OLFM3: variants seen among roughly 807,000 people sequenced by gnomAD.
The protein encoded by OLFM3 is olfactomedin 3.
OLFM3 carries 20 observed loss-of-function variants against 48.6 expected under a neutral mutation model. The ratio of observed to expected loss-of-function variants is 0.41; its 90% CI spans 0.29 to 0.60. OLFM3 has a LOEUF of 0.60. Ranked by LOEUF, OLFM3 falls within the 20% of genes least tolerant of loss-of-function variation. The probability of loss-of-function intolerance (pLI) is 0.28; values close to 1 mark genes in which losing one functional copy is unlikely to be tolerated. For synonymous variants in OLFM3, 222 were observed against 198.1 expected (o/e 1.12, Z -1.01); for missense variants, 437 against 544.3 (o/e 0.80, Z 1.96).
In OLFM3 at chr1:101,943,112, C is replaced by T. The variant is rs182262461; in HGVS notation, c.69+53636G>A. Among the ~76,000 whole-genome samples, 11 of 152,232 alleles carry T rather than the reference C, an allele frequency of 7.2e-5. No homozygotes were observed. In the East Asian group the frequency reaches 2.1e-3, roughly 29 times the overall value. On this transcript the variant is annotated intron_variant, in intron 1 of 5. Coordinates refer to ENST00000370103, the MANE Select transcript of OLFM3 (RefSeq NM_058170.4). ...TATAGCCTCTAGTTAGTCTTTCAAG[C>T]ATAAATCTAGGTATTGCTGTGAAAG...
chr1:101,953,538 C>T (rs1404059018), intron 1 of OLFM3, among the ~76,000 whole-genome samples: 1 of 151,998 alleles, frequency 6.6e-6, no homozygotes, highest in Admixed American at 6.6e-5. Context: ...GCCTTTCTGC[C>T]CCTTCTTGCT....
chr1:101,882,130 T>A (rs888172669), intron 1 of OLFM3, among the ~76,000 whole-genome samples: 2 of 150,920 alleles, frequency 1.3e-5, no homozygotes, highest in African/African-American at 4.9e-5. Context: ...CACACGACAT[T>A]CATTTGATTT....
intron 4 of OLFM3, chr1:101,812,869 C>A (rs1654136175): frequency 1.0e-6 from 1 of 994,178 alleles, no homozygotes; most frequent in Non-Finnish European, 1.2e-6. Context: ...GTCAATCATA[C>A]CTTAGAAAGC....
intron 1 of OLFM3, among the ~76,000 whole-genome samples, chr1:101,874,704 A>G (rs957878219): frequency 1.3e-5 from 2 of 151,988 alleles, no homozygotes; most frequent in Non-Finnish European, 2.9e-5. Context: ...CACACAGAAT[A>G]ACTGGTATTA....
At chr1:101,899,097 T>C (rs747139564) in intron 1 of OLFM3, among the ~76,000 whole-genome samples, 1 of 152,196 alleles carries the variant, frequency 6.6e-6, no homozygotes, top group Non-Finnish European at 1.5e-5. Flanking sequence ...ACAGCTCAGC[T>C]GGGAGGCTCT....
At chr1:101,832,709 G>A (rs1052163994) in intron 2 of OLFM3, among the ~76,000 whole-genome samples, 1 of 152,092 alleles carries the variant, frequency 6.6e-6, no homozygotes. Context: ...ATTATCTTGG[G>A]TTTGTAATAG....
chr1:101,978,874 T>C (rs1661026955), intron 1 of OLFM3, among the ~76,000 whole-genome samples: 1 of 152,142 alleles, frequency 6.6e-6, no homozygotes, highest in Non-Finnish European at 1.5e-5. Flanking sequence ...ACATTTTTCT[T>C]CCTCTATGTT....
intron 1 of OLFM3, among the ~76,000 whole-genome samples, chr1:101,933,988 C>T (rs1659535168): frequency 6.6e-6 from 1 of 151,818 alleles, no homozygotes. Context: ...AAAGGAAAGA[C>T]CATTACTGAC....
At chr1:101,915,819 T>TAAG (rs1473082216) in intron 1 of OLFM3, among the ~76,000 whole-genome samples, 2 of 152,096 alleles carry the variant, frequency 1.3e-5, no homozygotes, top group Non-Finnish European at 2.9e-5. Flanking sequence ...ATATCCTTAG[T>TAAG]AAGAAGGCCC....
At chr1:101,873,953 T>C (rs892206289) in intron 1 of OLFM3, among the ~76,000 whole-genome samples, 14 of 151,928 alleles carry the variant, frequency 9.2e-5, no homozygotes, top group African/African-American at 3.4e-4. Flanking sequence ...AACTTCAAGA[T>C]CTAGCAGAGA....
At position 101,847,961 on chromosome 1, in the gene OLFM3, A is replaced by G. The variant is rs372794471; in HGVS notation, c.70-10936T>C. 3.3e-5 allele frequency among the ~76,000 whole-genome samples: 5 copies of G among 152,308 alleles called. No individual in the cohort carries two copies. In the East Asian group the frequency reaches 9.6e-4, roughly 29 times the overall value. On this transcript the variant is annotated intron_variant, in intron 1 of 5. Coordinates refer to ENST00000370103, the MANE Select transcript of OLFM3 (RefSeq NM_058170.4). The stretch of plus-strand genomic sequence containing the variant: ...CCTTGGCTTCAGTTTTTTCTACAAT[A>G]TAAGGATGTTGGAAAATATGCTCTC...
In OLFM3 at chr1:101,945,875, A is replaced by T. The variant is rs1464546136; in HGVS notation, c.69+50873T>A. Among the ~76,000 whole-genome samples the T allele has an allele frequency of 9.1e-5, 13 of 143,614 alleles. No individual in the cohort carries two copies. The East Asian group carries it at 2.5e-3, about 28-fold the overall frequency. The allele number at this position is 143,614 out of a possible 152,430, so 94.2% of individuals were successfully genotyped here. ...CAACAGCAACAATTAAAATTTTTTT[A>T]AAAAGAGCATAAATAAATATTGTTA... On this transcript the variant is annotated intron_variant, in intron 1 of 5. Coordinates refer to ENST00000370103, the MANE Select transcript of OLFM3 (RefSeq NM_058170.4).
chr1:101,877,407 C>A (rs924376891), intron 1 of OLFM3, among the ~76,000 whole-genome samples: 1 of 151,934 alleles, frequency 6.6e-6, no homozygotes, highest in Non-Finnish European at 1.5e-5. Flanking sequence ...AAATCCAGAA[C>A]ATGAATTTCA....
intron 1 of OLFM3, among the ~76,000 whole-genome samples, chr1:101,838,169 C>G (rs1655529774): frequency 6.6e-6 from 1 of 152,144 alleles, no homozygotes; most frequent in Non-Finnish European, 1.5e-5. Context: ...AGCGATTCAC[C>G]TGCCTCAGCC....
At chr1:101,861,072 T>A (rs7535330) in intron 1 of OLFM3, among the ~76,000 whole-genome samples, 16,890 of 151,770 alleles carry the variant, frequency 0.11, 1,102 homozygotes, top group Non-Finnish European at 0.13. Flanking sequence ...TTGATTATAT[T>A]TTTTTTTGAG....
intron 1 of OLFM3, among the ~76,000 whole-genome samples, chr1:101,942,815 G>T (rs1000688092): frequency 6.6e-6 from 1 of 152,098 alleles, no homozygotes; most frequent in African/African-American, 2.4e-5. Context: ...TTCTTGCTTT[G>T]TTCTTACAAA....
At chr1:101,850,496 T>G (rs1471071576) in intron 1 of OLFM3, among the ~76,000 whole-genome samples, 1 of 152,108 alleles carries the variant, frequency 6.6e-6, no homozygotes, top group Non-Finnish European at 1.5e-5. Context: ...TTTCTTTTAT[T>G]TGTAGAACAA....
chr1:101,854,977 A>G (rs1656358986), intron 1 of OLFM3, among the ~76,000 whole-genome samples: 1 of 152,098 alleles, frequency 6.6e-6, no homozygotes, highest in African/African-American at 2.4e-5. Flanking sequence ...ATGCAAAAGA[A>G]ATGTATGCAT....
intron 1 of OLFM3, among the ~76,000 whole-genome samples, chr1:101,904,483 AG>A (rs1295553993): frequency 3.3e-5 from 5 of 152,120 alleles, no homozygotes; most frequent in Admixed American, 6.6e-5. Context: ...AGAGTGGATG[AG>A]AATGAGTTTG....
Sources: allele counts gnomAD v4.1 joint callset (sites outside exome capture counted in the v4.1 genomes callset), GRCh38; gene constraint gnomAD v4.1.1; transcripts MANE v1.5; gene names NCBI Gene and HGNC (gene_info 2026-07-23, HGNC 2026-07-21).